ARHGAP21: variants seen among roughly 807,000 people sequenced by gnomAD.
ARHGAP21 encodes Rho GTPase activating protein 21, also known as rho GTPase-activating protein 21.
In ARHGAP21, 38 loss-of-function variants were observed where a neutral mutation model predicts 164.6. That is an observed-to-expected ratio of 0.23 (90% confidence interval 0.18 to 0.30). The LOEUF (loss-of-function observed/expected upper bound fraction) is 0.30. Among genes scored for constraint, ARHGAP21 ranks in the 10% least tolerant of loss-of-function variants. The probability of loss-of-function intolerance (pLI) is 1.00; values close to 1 mark genes in which losing one functional copy is unlikely to be tolerated. For missense variants in ARHGAP21, 1,822 were observed against 2,370.7 expected (o/e 0.77, Z 4.81); for synonymous variants, 766 against 857.9 (o/e 0.89, Z 1.87).
At chr10:24,704,688 C>T (rs908160564) in intron 2 of ARHGAP21, among the ~76,000 whole-genome samples, 9 of 151,924 alleles carry the variant, frequency 5.9e-5, no homozygotes, top group Admixed American at 6.6e-5. Flanking sequence ...AGGCTGGTCT[C>T]GAACTCCTGA....
chr10:24,634,777 T>C (rs1593110539), intron 5 of ARHGAP21, among the ~76,000 whole-genome samples: 1 of 152,332 alleles, frequency 6.6e-6, no homozygotes, highest in South Asian at 2.1e-4. Flanking sequence ...CTATCATCTG[T>C]GTGGTAATTA....
chr10:24,588,067 C>T (rs1334062130), intron 25 of ARHGAP21, among the ~76,000 whole-genome samples: 2 of 152,124 alleles, frequency 1.3e-5, no homozygotes, highest in East Asian at 3.9e-4. Flanking sequence ...TTAAAGAAGT[C>T]TAAAGAGATT....
chr10:24,624,795 T>G (rs147664188), intron 7 of ARHGAP21, among the ~76,000 whole-genome samples: 5 of 152,208 alleles, frequency 3.3e-5, no homozygotes, highest in African/African-American at 1.2e-4. Flanking sequence ...TATGAAAGTG[T>G]TTTGATAGAA....
chr10:24,593,200 C>T (rs1417086597), intron 21 of ARHGAP21, among the ~76,000 whole-genome samples: 1 of 152,172 alleles, frequency 6.6e-6, no homozygotes, highest in Admixed American at 6.5e-5. Flanking sequence ...ACCATCAGTG[C>T]AGAGGAAGAA....
intron 9 of ARHGAP21, among the ~76,000 whole-genome samples, chr10:24,609,092 A>G (rs1369911889): frequency 1.3e-5 from 2 of 152,200 alleles, no homozygotes; most frequent in African/African-American, 4.8e-5. Context: ...TTACAGATTA[A>G]TGAATACTGA....
chr10:24,723,673 C>CCCGCCGCCGCCG lies in ARHGAP21; in HGVS notation c.-504_-493dup, dbSNP rs558378115. The CCCGCCGCCGCCG allele has an allele frequency of 4.8e-5, 7 of 147,286 alleles. No homozygotes were observed. Among genetic ancestry groups the CCCGCCGCCGCCG allele is most frequent in the Admixed American group, 1.4e-4 (2 of 14,690 alleles). 9.1% of individuals were successfully genotyped at this position (147,286 alleles called of 1,614,324 possible). ...CCCGCAGCCGGACGATCCCGCGCTG[C>CCCGCCGCCGCCG]CCGCCGCCGCCGCCGCCGCCGCCGC... On this transcript the variant is annotated 5_prime_UTR_variant, in exon 1 of 26. Transcript: ENST00000396432.
At chr10:24,605,931 T>C (rs1000631366) in intron 11 of ARHGAP21, among the ~76,000 whole-genome samples, 5 of 152,046 alleles carry the variant, frequency 3.3e-5, no homozygotes, top group Non-Finnish European at 7.4e-5. Flanking sequence ...CTGAATAGAA[T>C]AGAGCCCCAC....
intron 21 of ARHGAP21, 90 bp downstream of exon 21, chr10:24,594,860 T>G: frequency 9.0e-7 from 1 of 1,107,226 alleles, no homozygotes; most frequent in Non-Finnish European, 1.3e-6. Flanking sequence ...ATTACAAACC[T>G]TTTATTGACT....
intron 7 of ARHGAP21, among the ~76,000 whole-genome samples, chr10:24,624,234 T>C (rs1193838313): frequency 6.6e-6 from 1 of 152,092 alleles, no homozygotes; most frequent in South Asian, 2.1e-4. Flanking sequence ...AAAATGTACA[T>C]TGTGAAACTC....
chr10:24,679,525 A>G (rs1808407095), intron 2 of ARHGAP21, among the ~76,000 whole-genome samples: 1 of 152,210 alleles, frequency 6.6e-6, no homozygotes, highest in African/African-American at 2.4e-5. Context: ...TTACTTTTAT[A>G]AGAAACTGCC....
chr10:24,709,675 G>T (rs1260636261), intron 2 of ARHGAP21, among the ~76,000 whole-genome samples: 1 of 151,682 alleles, frequency 6.6e-6, no homozygotes, highest in East Asian at 1.9e-4. Context: ...GCAGGTCGAG[G>T]CTACAGTAAG....
rs759827725 is a variant in ARHGAP21 at position 24,585,512 on chromosome 10, C to G, written c.4777G>C (p.Ala1593Pro). 5.6e-6 allele frequency: 9 copies of G among 1,614,040 alleles called. No individual in the cohort carries two copies. The highest frequency in any genetic ancestry group is 1.7e-5 in the Admixed American group (1 of 59,994). Reference protein sequence around the residue: ...ITSDYSTTSSATYLTSLDSSR... With the variant: ...ITSDYSTTSSPTYLTSLDSSR... ...GAGTCCAGGCTAGTCAAGTATGTAG[C>G]AGACGATGTGGTGGAATAATCTGAG... Residue 1593 changes from alanine (A) to proline (P), a missense_variant, in exon 26 of 26, where the codon GCT (alanine) becomes CCT (proline). Coordinates refer to ENST00000396432, the MANE Select transcript of ARHGAP21 (RefSeq NM_020824.4).
rs989637147 is a variant in ARHGAP21 at position 24,587,902 on chromosome 10, C to T, written c.4182+1369G>A. The stretch of plus-strand genomic sequence containing the variant: ...ATTGGGATATCCACTATATTACAGG[C>T]ATAGCATAACACCACTATGGATAAG... On this transcript the variant is annotated intron_variant, in intron 25 of 25. Coordinates refer to ENST00000396432, the MANE Select transcript of ARHGAP21 (RefSeq NM_020824.4). Among the ~76,000 whole-genome samples, 5 of 152,258 alleles carry T rather than the reference C, an allele frequency of 3.3e-5. No individual in the cohort carries two copies. The East Asian group carries it at 5.8e-4, about 18-fold the overall frequency.
intron 4 of ARHGAP21, among the ~76,000 whole-genome samples, chr10:24,650,426 TA>T (rs1403396791): frequency 1.3e-5 from 2 of 152,158 alleles, no homozygotes; most frequent in Non-Finnish European, 2.9e-5. Context: ...CTAAGGTCCT[TA>T]TATTTTGTAA....
intron 2 of ARHGAP21, among the ~76,000 whole-genome samples, chr10:24,718,910 T>C (rs1164414449): frequency 4.6e-5 from 7 of 151,900 alleles, no homozygotes; most frequent in Non-Finnish European, 1.0e-4. Flanking sequence ...AAAAAAATCA[T>C]GTGGTTAAGA....
Position 24,585,635 on chromosome 10 carries a change from T to C in ARHGAP21, c.4654A>G (p.Thr1552Ala). Residue 1552 changes from threonine (T) to alanine (A), a missense_variant, in exon 26 of 26, where the codon ACG (threonine) becomes GCG (alanine). Transcript: ENST00000396432. ...TGSDSGTLLS[T>A]SSQASLARFS... ...CTTGCCAGGGAGGCCTGGGAAGACGTGCTGAGCAAAGTGCCAGAGTCAGAG... is the reference window on the plus strand; with the variant it reads ...CTTGCCAGGGAGGCCTGGGAAGACGCGCTGAGCAAAGTGCCAGAGTCAGAG... 1 of 1,614,168 alleles carries C rather than the reference T, an allele frequency of 6.2e-7. No homozygotes were observed. Among genetic ancestry groups the C allele is most frequent in the Non-Finnish European group, 8.5e-7 (1 of 1,180,026 alleles).
chr10:24,605,529 A>G (rs1187266635), intron 11 of ARHGAP21, among the ~76,000 whole-genome samples: 1 of 151,630 alleles, frequency 6.6e-6, no homozygotes, highest in Non-Finnish European at 1.5e-5. Context: ...CTACCCTGGA[A>G]GCAAGCCCTG....
At chr10:24,716,588 C>T (rs1283561372) in intron 2 of ARHGAP21, among the ~76,000 whole-genome samples, 1 of 152,230 alleles carries the variant, frequency 6.6e-6, no homozygotes, top group African/African-American at 2.4e-5. Flanking sequence ...ACCAATTATA[C>T]AGGGCTTTGC....
At chr10:24,688,500 C>T (rs532943229) in intron 2 of ARHGAP21, among the ~76,000 whole-genome samples, 7 of 152,282 alleles carry the variant, frequency 4.6e-5, no homozygotes, top group Admixed American at 1.3e-4. Context: ...GTGATCCAAA[C>T]TATGCATTAG....
Sources: allele counts gnomAD v4.1 joint callset (sites outside exome capture counted in the v4.1 genomes callset), GRCh38; gene constraint gnomAD v4.1.1; transcripts MANE v1.5; gene names NCBI Gene and HGNC (gene_info 2026-07-23, HGNC 2026-07-21).